CSTPP1: variants seen among roughly 807,000 people sequenced by gnomAD.
The protein encoded by CSTPP1 is centriolar satellite-associated tubulin polyglutamylase complex regulator 1, also known as UPF0705 protein C11orf49.
chr11:46,972,439 G>A, the CSTPP1 span, among the ~76,000 whole-genome samples: 3 of 152,138 alleles, frequency 2.0e-5, no homozygotes, highest in African/African-American at 7.2e-5. Context: ...GGCAGTGCAG[G>A]GCTGGGATCA....
the CSTPP1 span, among the ~76,000 whole-genome samples, chr11:46,990,418 T>C: frequency 6.6e-6 from 1 of 152,228 alleles, no homozygotes; most frequent in Non-Finnish European, 1.5e-5. Context: ...TTTTTTCATA[T>C]GTTTCTTGGC....
the CSTPP1 span, among the ~76,000 whole-genome samples, chr11:47,066,501 C>A: frequency 2.6e-5 from 4 of 151,928 alleles, no homozygotes; most frequent in Non-Finnish European, 4.4e-5. Flanking sequence ...ACCTTGTGTC[C>A]CAGGCTTCCA....
chr11:46,987,232 T>A, the CSTPP1 span: 1 of 1,613,996 alleles, frequency 6.2e-7, no homozygotes, highest in Non-Finnish European at 8.5e-7. Flanking sequence ...CTCACCTACA[T>A]GGAGGATGCA....
At chr11:47,102,022 GA>G in the CSTPP1 span, among the ~76,000 whole-genome samples, 1 of 152,158 alleles carries the variant, frequency 6.6e-6, no homozygotes, top group African/African-American at 2.4e-5. Context: ...TCTGGAGTTT[GA>G]GAGATACTTA....
chr11:47,064,606 C>T, the CSTPP1 span, among the ~76,000 whole-genome samples: 1 of 152,142 alleles, frequency 6.6e-6, no homozygotes, highest in Admixed American at 6.5e-5. Flanking sequence ...ACCCTTTGCA[C>T]CCTTGTCAAA....
the CSTPP1 span, among the ~76,000 whole-genome samples, chr11:47,081,686 A>G: frequency 2.6e-5 from 4 of 152,208 alleles, no homozygotes; most frequent in African/African-American, 4.8e-5. Flanking sequence ...AAATTAATCT[A>G]CATTGGGGAG....
the CSTPP1 span, among the ~76,000 whole-genome samples, chr11:46,949,798 A>G: frequency 4.0e-5 from 6 of 151,684 alleles, no homozygotes; most frequent in Non-Finnish European, 8.8e-5. Flanking sequence ...CAGCCTCCCG[A>G]GTAGCTGGAA....
At chr11:47,101,141 G>A in the CSTPP1 span, among the ~76,000 whole-genome samples, 10 of 138,884 alleles carry the variant, frequency 7.2e-5, no homozygotes, top group African/African-American at 2.7e-4. Flanking sequence ...TGGGATTACA[G>A]GTGCCTGCCA....
chr11:47,157,975 C>G, the CSTPP1 span: 1 of 1,508,820 alleles, frequency 6.6e-7, no homozygotes, highest in African/African-American at 1.4e-5. Context: ...ACACAGGGAG[C>G]AGCTGGCCTC....
chr11:47,072,910 CATTTAT>C, the CSTPP1 span, among the ~76,000 whole-genome samples: 1 of 152,116 alleles, frequency 6.6e-6, no homozygotes, highest in African/African-American at 2.4e-5. Context: ...AGACACTGAA[CATTTAT>C]ATTTATTGTG....
At chr11:47,159,936 G>A in the CSTPP1 span, 7,415 of 335,632 alleles carry the variant, frequency 0.022, 116 homozygotes, top group Non-Finnish European at 0.032. Context: ...CCAGGGAGGC[G>A]GAGGTTGCAG....
chr11:47,019,630 T>G, the CSTPP1 span, among the ~76,000 whole-genome samples: 2 of 152,146 alleles, frequency 1.3e-5, no homozygotes, highest in Non-Finnish European at 2.9e-5. Flanking sequence ...ATTTATTGAT[T>G]AAGTTCACCC....
chr11:47,021,875 A>T, the CSTPP1 span, among the ~76,000 whole-genome samples: 1 of 151,958 alleles, frequency 6.6e-6, no homozygotes, highest in East Asian at 1.9e-4. Flanking sequence ...ACAAGGAGAG[A>T]TCCCCTGCCA....
the CSTPP1 span, among the ~76,000 whole-genome samples, chr11:47,009,579 C>T: frequency 6.6e-6 from 1 of 152,060 alleles, no homozygotes; most frequent in Non-Finnish European, 1.5e-5. Context: ...GGAGCATCAG[C>T]TGGGGTCAGG....
the CSTPP1 span, among the ~76,000 whole-genome samples, chr11:47,006,755 AT>A: frequency 1.9e-3 from 249 of 129,870 alleles, no homozygotes; most frequent in Admixed American, 2.3e-3. Flanking sequence ...CACTCAGCTA[AT>A]TTTTTTTTTT....
the CSTPP1 span, chr11:47,162,178 T>C: frequency 1.0e-6 from 1 of 985,520 alleles, no homozygotes; most frequent in Non-Finnish European, 1.2e-6. Flanking sequence ...CTGCTTCAAG[T>C]CTTGACCCCT....
chr11:47,106,367 C>T, the CSTPP1 span, among the ~76,000 whole-genome samples: 2 of 152,152 alleles, frequency 1.3e-5, no homozygotes, highest in Admixed American at 6.5e-5. Context: ...AGCTATTTCT[C>T]TTTCTTCTAT....
At chr11:47,141,932 CAAAAAAAAAAA>C in the CSTPP1 span, among the ~76,000 whole-genome samples, 1 of 37,868 alleles carries the variant, frequency 2.6e-5, no homozygotes, top group Non-Finnish European at 4.7e-5. Flanking sequence ...GACTCTGTCT[CAAAAAAAAAAA>C]AAAAAAAAAA....
chr11:46,990,671 G>T, the CSTPP1 span, among the ~76,000 whole-genome samples: 1 of 152,074 alleles, frequency 6.6e-6, no homozygotes, highest in Admixed American at 6.6e-5. Context: ...TGTTGCAATT[G>T]CTTTTGGGGA....
Sources: gnomAD v4.1 joint callset for allele counts (sites outside exome capture counted in the v4.1 genomes callset) on GRCh38, gnomAD v4.1.1 for gene constraint, MANE v1.5 for transcripts, NCBI Gene and HGNC (gene_info 2026-07-23, HGNC 2026-07-21) for gene names.